SH3GL1: variants seen among roughly 807,000 people sequenced by gnomAD.
SH3GL1 encodes the protein endophilin-A2.
A neutral mutation model predicts 48.8 loss-of-function variants in SH3GL1; 21 were observed. The ratio of observed to expected loss-of-function variants is 0.43; its 90% CI spans 0.30 to 0.62. SH3GL1 has a LOEUF of 0.62. SH3GL1 is among the 20% of genes least tolerant of loss of function. SH3GL1 has a pLI of 0.11. For synonymous variants in SH3GL1, 282 were observed against 217.5 expected (o/e 1.30, Z -2.61); for missense variants, 454 against 503.0 (o/e 0.90, Z 0.93).
intron 2 of SH3GL1, 27 bp from the exon 3 acceptor site, chr19:4,366,600 TC>T: frequency 6.2e-7 from 1 of 1,602,010 alleles, no homozygotes. Context: ...CATATAAGAC[TC>T]CACAGCCAGT....
chr19:4,379,929 G>A (rs949624809), intron 1 of SH3GL1, among the ~76,000 whole-genome samples: 4 of 152,176 alleles, frequency 2.6e-5, no homozygotes, highest in African/African-American at 7.2e-5. Context: ...CCTGAGCTAC[G>A]AGCAGTAAGA....
Position 4,365,616 on chromosome 19 carries a change from G to A in SH3GL1, c.197C>T (p.Ala66Val). Residue 66 changes from alanine to valine, a missense_variant, in exon 4 of 10, where the codon GCT (alanine) becomes GTT (valine). Coordinates refer to ENST00000269886, the MANE Select transcript of SH3GL1 (RefSeq NM_003025.4). The part of the protein sequence containing the change: ...EYLQPNPASR[A>V]KLTMLNTVSK... ...CACCGTGTTGAGCATGGTCAGCTTAGCCCGCGAGGCTGGGATAGGATGGCC... is the reference window on the plus strand; with the variant it reads ...CACCGTGTTGAGCATGGTCAGCTTAACCCGCGAGGCTGGGATAGGATGGCC... 6.2e-7 allele frequency: 1 copy of A among 1,614,058 alleles called. No individual in the cohort carries two copies. The highest frequency in any genetic ancestry group is 8.5e-7 in the Non-Finnish European group (1 of 1,180,042).
chr19:4,385,085 C>T (rs919172055), intron 1 of SH3GL1, among the ~76,000 whole-genome samples: 7 of 139,386 alleles, frequency 5.0e-5, no homozygotes, highest in East Asian at 4.1e-4. Flanking sequence ...GCCTGGGTGA[C>T]GAGAGACTCC....
rs768936054 is a variant in SH3GL1 at position 4,365,547 on chromosome 19, G to A, written c.266C>T (p.Ser89Leu). The A allele has an allele frequency of 1.7e-5, 27 of 1,613,950 alleles. No individual in the cohort carries two copies. Among genetic ancestry groups the A allele is most frequent in the Admixed American group, 3.3e-5 (2 of 60,012 alleles). ...CATGCACTCGCCCAGAAGCCCCTCC[G>A]ACTGCGGGTAGCCGGGGTTCTTCAC... ...GQVKNPGYPQ[S>L]EGLLGECMIR... The change falls in exon 4 of 10, where the codon TCG becomes TTG. Residue 89 changes from serine (S) to leucine (L), a missense_variant. Around this residue, in one of 2 missense-constraint regions of SH3GL1, gnomAD observed 176 missense variants for 256.2 expected, o/e 0.69. Coordinates refer to ENST00000269886, the MANE Select transcript of SH3GL1 (RefSeq NM_003025.4).
intron 3 of SH3GL1, 53 bp downstream of exon 3, chr19:4,366,448 A>ACACACTGC (rs1972781176): frequency 3.5e-6 from 5 of 1,410,686 alleles, no homozygotes. Flanking sequence ...CTTCCCTCTG[A>ACACACTGC]CACAGAGGCC....
intron 1 of SH3GL1, among the ~76,000 whole-genome samples, chr19:4,380,836 C>G (rs1160478003): frequency 6.6e-6 from 1 of 152,070 alleles, no homozygotes; most frequent in Non-Finnish European, 1.5e-5. Context: ...GGTGGGATTC[C>G]AGAGGCCAGG....
intron 1 of SH3GL1, among the ~76,000 whole-genome samples, chr19:4,369,733 CCT>C (rs964968561): frequency 2.8e-4 from 43 of 152,248 alleles, no homozygotes; most frequent in African/African-American, 1.0e-3. Flanking sequence ...TCCTCGCACC[CCT>C]GACACCCGGG....
In SH3GL1 at chr19:4,400,289, C is replaced by A; in HGVS notation, c.45+35G>T. The A allele has an allele frequency of 2.5e-6, 4 of 1,587,104 alleles. No homozygotes were observed. Among genetic ancestry groups the A allele is most frequent in the Non-Finnish European group, 2.6e-6 (3 of 1,170,488 alleles). On this transcript the variant is annotated intron_variant, in intron 1 of 9. Coordinates refer to ENST00000269886, the MANE Select transcript of SH3GL1 (RefSeq NM_003025.4). The surrounding 1 kb of genome is among the most constrained non-coding windows in gnomAD (Gnocchi z 4.1). ...GCTCCCTCATCCGGGCAGCCCGGGG[C>A]CCGGTACTCGGCTCCCGCCTGGGCC...
intron 1 of SH3GL1, among the ~76,000 whole-genome samples, chr19:4,375,456 G>A (rs889255187): frequency 6.6e-6 from 1 of 152,268 alleles, no homozygotes; most frequent in African/African-American, 2.4e-5. Flanking sequence ...CGAGGAATCT[G>A]GGAGCAGGTG....
intron 1 of SH3GL1, among the ~76,000 whole-genome samples, chr19:4,396,199 C>T (rs986001603): frequency 6.6e-6 from 1 of 151,996 alleles, no homozygotes; most frequent in African/African-American, 2.4e-5. Context: ...GAGTTCGAGA[C>T]CAGCCTGGCC....
At chr19:4,381,500 C>T (rs1179743437) in intron 1 of SH3GL1, among the ~76,000 whole-genome samples, 1 of 120,806 alleles carries the variant, frequency 8.3e-6, no homozygotes, top group Non-Finnish European at 1.8e-5. Context: ...CGTTCTCCTG[C>T]CTCTGTCTCC....
At position 4,363,350 on chromosome 19, in the gene SH3GL1, G is replaced by A. The variant is rs528376224; in HGVS notation, c.728+20C>T. 1.1e-5 allele frequency: 17 copies of A among 1,569,822 alleles called. No individual in the cohort carries two copies. The East Asian group carries it at 2.1e-4, about 20-fold the overall frequency. Reference sequence around the variant, plus strand: ...CGCATGGCAGCCCAGACTCTGGAGAGACCAAGGCCCTGGGCTCACCTGCGC... The same window carrying A: ...CGCATGGCAGCCCAGACTCTGGAGAAACCAAGGCCCTGGGCTCACCTGCGC... On this transcript the variant is annotated intron_variant, in intron 7 of 9. Coordinates refer to ENST00000269886, the MANE Select transcript of SH3GL1 (RefSeq NM_003025.4).
In SH3GL1 at chr19:4,362,751, G is replaced by A. The variant is rs1282282057; in HGVS notation, c.729-15C>T. On this transcript the variant is annotated splice_polypyrimidine_tract_variant and intron_variant, in intron 7 of 9. Coordinates refer to ENST00000269886, the MANE Select transcript of SH3GL1 (RefSeq NM_003025.4). ...CTTCCCGCATCCTGTGAAGGGAGAG[G>A]CGTGAGTGGACCGAGCCCGTGTCAC... 1 of 1,613,600 alleles carries A rather than the reference G, an allele frequency of 6.2e-7. No individual in the cohort carries two copies. Among genetic ancestry groups the A allele is most frequent in the Non-Finnish European group, 8.5e-7 (1 of 1,180,004 alleles).
intron 1 of SH3GL1, among the ~76,000 whole-genome samples, chr19:4,371,231 G>A (rs1972894002): frequency 6.6e-6 from 1 of 152,270 alleles, no homozygotes; most frequent in African/African-American, 2.4e-5. Flanking sequence ...AATACAAGGT[G>A]GAAAAATACA....
At chr19:4,364,866 T>TTTTGTGTGTGTGTGTGTGTG (rs1972729538) in intron 4 of SH3GL1, among the ~76,000 whole-genome samples, 1 of 97,168 alleles carries the variant, frequency 1.0e-5, no homozygotes, top group African/African-American at 5.3e-5. Flanking sequence ...ACCCGGCTAA[T>TTTTGTGTGTGTGTGTGTGTG]TGTGTGTGTG....
chr19:4,362,530 C>T, intron 8 of SH3GL1, 82 bp downstream of exon 8: 1 of 1,599,754 alleles, frequency 6.3e-7, no homozygotes, highest in Non-Finnish European at 8.5e-7. Flanking sequence ...GTCTGGCGCT[C>T]AGAGACCCAG....
Position 4,376,136 on chromosome 19 carries a change from TGAG to T in SH3GL1, c.46-9145_46-9143del, listed in dbSNP as rs919442590. ...GTGAGTTCCCTCACTCCCTGAGAGC[TGAG>T]GAGACTTGCCCGAAAGCCCAGAGCC... On this transcript the variant is annotated intron_variant, in intron 1 of 9. Coordinates refer to ENST00000269886, the MANE Select transcript of SH3GL1 (RefSeq NM_003025.4). This position sits in a 1 kb window ranked among gnomAD's most constrained non-coding sequence, Gnocchi z 4.3. Among the ~76,000 whole-genome samples the T allele has an allele frequency of 1.3e-5, 2 of 152,172 alleles. No individual in the cohort carries two copies. Among genetic ancestry groups the T allele is most frequent in the Admixed American group, 1.3e-4 (2 of 15,276 alleles).
intron 1 of SH3GL1, among the ~76,000 whole-genome samples, chr19:4,384,964 TGTG>T (rs1973208160): frequency 6.6e-6 from 1 of 151,474 alleles, no homozygotes; most frequent in Non-Finnish European, 1.5e-5. Flanking sequence ...ATTATCCGGG[TGTG>T]GTGGTTGGTG....
chr19:4,377,709 C>T (rs147445602), intron 1 of SH3GL1, among the ~76,000 whole-genome samples: 45 of 152,304 alleles, frequency 3.0e-4, no homozygotes, highest in African/African-American at 9.4e-4. Context: ...CTGGCTCTGG[C>T]GCATGGGTGC....
Sources: gnomAD v4.1 joint callset for allele counts (sites outside exome capture counted in the v4.1 genomes callset) on GRCh38, gnomAD v4.1.1 for gene constraint, gnomAD v4.1.1 regional missense constraint, Gnocchi (gnomAD v3.1) non-coding constraint, MANE v1.5 for transcripts, NCBI Gene and HGNC (gene_info 2026-07-23, HGNC 2026-07-21) for gene names.